Variants in FSTL5 observed in about 807,000 individuals in gnomAD.
FSTL5 encodes the protein follistatin-related protein 5.
A neutral mutation model predicts 89.1 loss-of-function variants in FSTL5; 62 were observed. The ratio of observed to expected loss-of-function variants is 0.70; its 90% CI spans 0.57 to 0.86. The LOEUF (loss-of-function observed/expected upper bound fraction) is 0.86. FSTL5 is among the 40% of genes least tolerant of loss of function. The pLI, the probability that FSTL5 is intolerant of heterozygous loss-of-function variation, is 0.00. For missense variants in FSTL5, 1,057 were observed against 1,001.6 expected (o/e 1.06, Z -0.75); for synonymous variants, 383 against 346.2 (o/e 1.11, Z -1.18).
chr4:161,698,218 A>G (rs1738249898), intron 6 of FSTL5, among the ~76,000 whole-genome samples: 1 of 152,128 alleles, frequency 6.6e-6, no homozygotes. Flanking sequence ...CAGACACTGA[A>G]TCTGCTGGCA....
intron 6 of FSTL5, among the ~76,000 whole-genome samples, chr4:161,683,101 T>C (rs1206065774): frequency 2.0e-5 from 3 of 152,172 alleles, no homozygotes; most frequent in Non-Finnish European, 4.4e-5. Context: ...ATGAAAAGTA[T>C]AGTAAATACA....
chr4:162,149,920 T>C (rs1345063338), intron 1 of FSTL5, among the ~76,000 whole-genome samples: 2 of 152,138 alleles, frequency 1.3e-5, no homozygotes, highest in African/African-American at 4.8e-5. Context: ...TGCCATTTAG[T>C]GGTAAGTCTT....
chr4:161,700,596 C>T (rs1174975226), intron 6 of FSTL5, among the ~76,000 whole-genome samples: 1 of 151,682 alleles, frequency 6.6e-6, no homozygotes, highest in African/African-American at 2.4e-5. Context: ...AGGGTGGTCT[C>T]GAATTCCTAG....
intron 4 of FSTL5, among the ~76,000 whole-genome samples, chr4:161,825,584 C>T (rs1019676521): frequency 5.9e-5 from 9 of 151,936 alleles, no homozygotes; most frequent in African/African-American, 1.9e-4. Flanking sequence ...TTTGTCTGTT[C>T]AGAATTTATA....
At chr4:161,748,598 G>A (rs937554771) in intron 6 of FSTL5, among the ~76,000 whole-genome samples, 1 of 140,968 alleles carries the variant, frequency 7.1e-6, no homozygotes, top group Admixed American at 7.8e-5. Flanking sequence ...AATGCAAAGG[G>A]GAAGCACGTT....
chr4:161,492,376 A>T (rs1729911091), intron 12 of FSTL5, among the ~76,000 whole-genome samples: 1 of 152,200 alleles, frequency 6.6e-6, no homozygotes, highest in South Asian at 2.1e-4. Context: ...CTGTAGAGGT[A>T]TACCATGAAA....
chr4:161,656,907 A>G (rs1485016660), intron 6 of FSTL5, among the ~76,000 whole-genome samples: 1 of 152,182 alleles, frequency 6.6e-6, no homozygotes, highest in Non-Finnish European at 1.5e-5. Flanking sequence ...GTAGACGGTA[A>G]AATGCATCTT....
chr4:161,827,058 G>T (rs1730690657), intron 4 of FSTL5, among the ~76,000 whole-genome samples: 1 of 152,102 alleles, frequency 6.6e-6, no homozygotes, highest in Admixed American at 6.6e-5. Context: ...GCTCCTTTTA[G>T]CAGTTCTTGT....
intron 15 of FSTL5, among the ~76,000 whole-genome samples, chr4:161,413,350 A>G (rs188349954): frequency 2.0e-5 from 3 of 152,146 alleles, no homozygotes; most frequent in African/African-American, 7.2e-5. Flanking sequence ...CATCACAGAA[A>G]TGCAAATCAA....
chr4:161,428,578 C>T (rs1732243627), intron 15 of FSTL5, among the ~76,000 whole-genome samples: 1 of 152,204 alleles, frequency 6.6e-6, no homozygotes, highest in African/African-American at 2.4e-5. Context: ...GGCCCCCATT[C>T]CAGGCCCTCG....
At chr4:161,438,192 A>G (rs1488986665) in intron 15 of FSTL5, among the ~76,000 whole-genome samples, 2 of 152,230 alleles carry the variant, frequency 1.3e-5, no homozygotes, top group African/African-American at 4.8e-5. Context: ...TATGGATGTA[A>G]AGAAATTTAA....
intron 7 of FSTL5, among the ~76,000 whole-genome samples, chr4:161,617,423 T>C (rs1578970651): frequency 6.6e-6 from 1 of 152,150 alleles, no homozygotes; most frequent in Non-Finnish European, 1.5e-5. Context: ...CCTATGCAAT[T>C]ATAATACCAA....
At chr4:161,582,026 G>A (rs1215117557) in intron 8 of FSTL5, among the ~76,000 whole-genome samples, 1 of 152,210 alleles carries the variant, frequency 6.6e-6, no homozygotes, top group Non-Finnish European at 1.5e-5. Flanking sequence ...TGTTTCTTCA[G>A]ACAATGGCAC....
intron 13 of FSTL5, among the ~76,000 whole-genome samples, chr4:161,472,000 A>G (rs1241975312): frequency 7.0e-6 from 1 of 143,702 alleles, no homozygotes; most frequent in Non-Finnish European, 1.5e-5. Flanking sequence ...TTTTTGAGAC[A>G]GAGTCTCGCT....
At chr4:162,032,292 G>C (rs1737562019) in intron 3 of FSTL5, among the ~76,000 whole-genome samples, 1 of 152,106 alleles carries the variant, frequency 6.6e-6, no homozygotes, top group South Asian at 2.1e-4. Context: ...TACTCAGTAA[G>C]TTTAAATGCA....
intron 13 of FSTL5, among the ~76,000 whole-genome samples, chr4:161,467,803 T>C (rs1416169258): frequency 1.3e-5 from 2 of 152,122 alleles, no homozygotes; most frequent in Non-Finnish European, 2.9e-5. Context: ...AGGCTGAAAT[T>C]ATACGTGGCT....
intron 1 of FSTL5, among the ~76,000 whole-genome samples, chr4:162,114,717 T>C (rs1731571487): frequency 6.6e-6 from 1 of 152,164 alleles, no homozygotes; most frequent in South Asian, 2.1e-4. Context: ...ATATTTTATC[T>C]ACCCAAAGGC....
rs192546747 is a variant in FSTL5, at chr4:161,530,278, A to T, written c.1312+7888T>A. On this transcript the variant is annotated intron_variant, in intron 10 of 15. Coordinates refer to ENST00000306100, the MANE Select transcript of FSTL5 (RefSeq NM_020116.5). Reference sequence around the variant, plus strand: ...CTCATAACTATTCATATGTTTTTCAATTTTTTTTCAAGATAGTTGGAAACA... The same window carrying T: ...CTCATAACTATTCATATGTTTTTCATTTTTTTTTCAAGATAGTTGGAAACA... Among the ~76,000 whole-genome samples the T allele has an allele frequency of 6.7e-3, 944 of 141,344 alleles. 102 individuals carry two copies. The highest frequency in any genetic ancestry group is 0.022 in the African/African-American group (889 of 39,830). 92.7% of individuals were successfully genotyped at this position (141,344 alleles called of 152,430 possible).
At chr4:161,732,252 T>C (rs1333361465) in intron 6 of FSTL5, among the ~76,000 whole-genome samples, 1 of 152,108 alleles carries the variant, frequency 6.6e-6, no homozygotes, top group Non-Finnish European at 1.5e-5. Flanking sequence ...TTAATACATA[T>C]GGGTGTTGAG....
Sources: allele counts gnomAD v4.1 joint callset (sites outside exome capture counted in the v4.1 genomes callset), GRCh38; gene constraint gnomAD v4.1.1; transcripts MANE v1.5; gene names NCBI Gene and HGNC (gene_info 2026-07-23, HGNC 2026-07-21).